Variants in GALNT13 observed in about 807,000 individuals in gnomAD.
GALNT13 encodes UDP-GalNAc:polypeptide N-acetylgalactosaminyltransferase 13.
GALNT13 carries 28 observed loss-of-function variants against 64.2 expected under a neutral mutation model. The ratio of observed to expected loss-of-function variants is 0.44; its 90% CI spans 0.32 to 0.60. The LOEUF is 0.60. GALNT13 is among the 20% of genes least tolerant of loss of function. The pLI is 0.05. For synonymous variants in GALNT13, 214 were observed against 224.6 expected (o/e 0.95, Z 0.42); for missense variants, 577 against 669.8 (o/e 0.86, Z 1.53).
intron 8 of GALNT13, among the ~76,000 whole-genome samples, chr2:154,281,482 G>T (rs535616032): frequency 6.6e-6 from 1 of 152,218 alleles, no homozygotes; most frequent in Admixed American, 6.5e-5. Context: ...ATAAAGTGTG[G>T]TGATCAATCC....
At chr2:153,786,348 A>T in the GALNT13 span, among the ~76,000 whole-genome samples, 3 of 152,252 alleles carry the variant, frequency 2.0e-5, no homozygotes, top group South Asian at 4.1e-4. Flanking sequence ...CCATTTGGAG[A>T]GGAGTCCAGC....
At chr2:154,418,095 C>A (rs1700102052) in intron 11 of GALNT13, among the ~76,000 whole-genome samples, 1 of 151,996 alleles carries the variant, frequency 6.6e-6, no homozygotes, top group South Asian at 2.1e-4. Context: ...TTTAAAAAAT[C>A]CCCTTACAGG....
chr2:153,983,927 G>A (rs567186035), intron 3 of GALNT13, among the ~76,000 whole-genome samples: 89 of 152,060 alleles, frequency 5.9e-4, no homozygotes, highest in Non-Finnish European at 1.2e-3. Flanking sequence ...AACAAGACAG[G>A]TAAATGTTTA....
At chr2:153,847,810 C>T in the GALNT13 span, among the ~76,000 whole-genome samples, 5 of 152,236 alleles carry the variant, frequency 3.3e-5, no homozygotes, top group East Asian at 5.8e-4. Flanking sequence ...TTGAGAAATG[C>T]TTCAGAAAGA....
Position 154,048,416 on chromosome 2 carries a change from T to C in GALNT13, c.143-91921T>C, listed in dbSNP as rs868728535. Reference sequence around the variant, plus strand: ...CCCAGTTGAGAATCCCTAAAAAACTTTGATTAACAAATAAAATACTGTTTG... The same window carrying C: ...CCCAGTTGAGAATCCCTAAAAAACTCTGATTAACAAATAAAATACTGTTTG... On this transcript the variant is annotated intron_variant, in intron 3 of 12. Transcript: ENST00000392825. Among the ~76,000 whole-genome samples the C allele has an allele frequency of 4.6e-5, 7 of 152,264 alleles. No individual in the cohort carries two copies. The Middle Eastern group carries it at 0.014, about 296-fold the overall frequency.
chr2:154,037,943 T>G lies in GALNT13; in HGVS notation c.142+93304T>G, dbSNP rs533268446. 7.2e-5 allele frequency among the ~76,000 whole-genome samples: 11 copies of G among 152,188 alleles called. No homozygotes were observed. In the East Asian group the frequency reaches 1.9e-3, roughly 27 times the overall value. Reference sequence around the variant, plus strand: ...CTGATGCAGGAAGACTGCTTGAGCCTGGGAGTTCAAGACCCACAACATAGC... The same window carrying G: ...CTGATGCAGGAAGACTGCTTGAGCCGGGGAGTTCAAGACCCACAACATAGC... On this transcript the variant is annotated intron_variant, in intron 3 of 12. Transcript: ENST00000392825.
intron 4 of GALNT13, among the ~76,000 whole-genome samples, chr2:154,143,554 T>C (rs979143864): frequency 1.3e-5 from 2 of 152,006 alleles, no homozygotes; most frequent in African/African-American, 2.4e-5. Flanking sequence ...AGTGATTTTT[T>C]TTTTTTCTTT....
the GALNT13 span, among the ~76,000 whole-genome samples, chr2:153,068,778 A>G: frequency 6.6e-6 from 1 of 152,158 alleles, no homozygotes; most frequent in African/African-American, 2.4e-5. Flanking sequence ...GACCCCAAAG[A>G]TGAAGCTTCT....
intron 1 of GALNT13, among the ~76,000 whole-genome samples, chr2:153,891,389 T>C (rs747416271): frequency 5.3e-5 from 8 of 152,048 alleles, no homozygotes; most frequent in Non-Finnish European, 7.4e-5. Context: ...ATTCCACTGT[T>C]AGCTAGTCAG....
chr2:154,214,990 A>C (rs868621576), intron 4 of GALNT13, among the ~76,000 whole-genome samples: 1 of 152,196 alleles, frequency 6.6e-6, no homozygotes, highest in South Asian at 2.1e-4. Flanking sequence ...TGGGGAAAAC[A>C]ATATTTTTCA....
At chr2:153,957,568 A>G (rs1358622652) in intron 3 of GALNT13, among the ~76,000 whole-genome samples, 2 of 152,160 alleles carry the variant, frequency 1.3e-5, no homozygotes, top group Non-Finnish European at 2.9e-5. Context: ...GACAGTTAGG[A>G]CATGCTTATT....
the GALNT13 span, among the ~76,000 whole-genome samples, chr2:153,561,997 T>TTC: frequency 3.7e-5 from 4 of 108,484 alleles, no homozygotes; most frequent in Non-Finnish European, 5.7e-5. Context: ...TTCACACTTT[T>TTC]GCCCCTTTTC....
chr2:153,442,579 G>A, the GALNT13 span, among the ~76,000 whole-genome samples: 1 of 152,042 alleles, frequency 6.6e-6, no homozygotes, highest in Non-Finnish European at 1.5e-5. Context: ...CTGGTCCTGG[G>A]CTTTTCTTGG....
chr2:153,088,160 T>A, the GALNT13 span, among the ~76,000 whole-genome samples: 1 of 152,112 alleles, frequency 6.6e-6, no homozygotes, highest in Non-Finnish European at 1.5e-5. Context: ...TGATAAGTTG[T>A]GTTACTATTA....
At chr2:153,522,535 T>G in the GALNT13 span, among the ~76,000 whole-genome samples, 448 of 152,266 alleles carry the variant, frequency 2.9e-3, 3 homozygotes, top group African/African-American at 0.01. Flanking sequence ...GGTGGTGGTG[T>G]TTTCATTCTG....
At chr2:153,163,930 A>G in the GALNT13 span, among the ~76,000 whole-genome samples, 3 of 151,650 alleles carry the variant, frequency 2.0e-5, no homozygotes, top group Non-Finnish European at 2.9e-5. Context: ...AGGCAGGAGA[A>G]TGGCGTGAAC....
chr2:153,821,327 A>C, the GALNT13 span, among the ~76,000 whole-genome samples: 1 of 152,216 alleles, frequency 6.6e-6, no homozygotes, highest in African/African-American at 2.4e-5. Flanking sequence ...CTTAAGATCA[A>C]CCACATGGTT....
At chr2:154,170,475 C>T (rs1378726336) in intron 4 of GALNT13, among the ~76,000 whole-genome samples, 1 of 152,064 alleles carries the variant, frequency 6.6e-6, no homozygotes, top group Non-Finnish European at 1.5e-5. Flanking sequence ...ATGATTGACT[C>T]AGGTCTACAC....
intron 2 of GALNT13, among the ~76,000 whole-genome samples, chr2:153,919,449 T>C (rs1005591616): frequency 6.6e-5 from 10 of 152,116 alleles, no homozygotes; most frequent in African/African-American, 2.4e-4. Flanking sequence ...TATTGATATA[T>C]ATAAACAACA....
Sources: allele counts gnomAD v4.1 joint callset (sites outside exome capture counted in the v4.1 genomes callset), GRCh38; gene constraint gnomAD v4.1.1; transcripts MANE v1.5; gene names NCBI Gene and HGNC (gene_info 2026-07-23, HGNC 2026-07-21).